VPS13D: variants seen among roughly 807,000 people sequenced by gnomAD.
The protein encoded by VPS13D is intermembrane lipid transfer protein VPS13D.
Under a neutral mutation model 461.9 loss-of-function variants are expected in VPS13D, and 187 were observed. That is an observed-to-expected ratio of 0.40 (90% CI 0.36 to 0.46). The LOEUF is 0.46. Among genes scored for constraint, VPS13D ranks in the 20% least tolerant of loss-of-function variants. The probability of loss-of-function intolerance (pLI) is 0.60; values close to 1 mark genes in which losing one functional copy is unlikely to be tolerated. For synonymous variants in VPS13D, 1,951 were observed against 1,986.3 expected (o/e 0.98, Z 0.47); for missense variants, 4,711 against 5,364.9 (o/e 0.88, Z 3.81).
chr1:12,312,411 G>A (rs931246105), intron 29 of VPS13D, among the ~76,000 whole-genome samples: 8 of 152,192 alleles, frequency 5.3e-5, no homozygotes, highest in African/African-American at 1.9e-4. Context: ...GTTACGGGGT[G>A]GGAGATGCAG....
At chr1:12,254,786 C>T (rs887438058) in intron 7 of VPS13D, among the ~76,000 whole-genome samples, 3 of 151,524 alleles carry the variant, frequency 2.0e-5, no homozygotes, top group South Asian at 2.1e-4. Flanking sequence ...CCTTGGCCTC[C>T]GAAAGTGCTG....
chr1:12,252,644 T>C (rs1640772207), intron 6 of VPS13D, among the ~76,000 whole-genome samples: 1 of 151,724 alleles, frequency 6.6e-6, no homozygotes, highest in African/African-American at 2.4e-5. Context: ...TGGTGGCATA[T>C]ACCTGTAGTC....
rs1177243109 is a variant in VPS13D at position 12,299,786 on chromosome 1, G to T, written c.6216+402G>T. ...CTATAATATAAACGTTTTAGACTCTGTGGCTTTTTTCAGAGGACGTGATTG... is the reference window on the plus strand; with the variant it reads ...CTATAATATAAACGTTTTAGACTCTTTGGCTTTTTTCAGAGGACGTGATTG... On this transcript the variant is annotated intron_variant, in intron 25 of 69. Transcript: ENST00000620676. The surrounding 1 kb of genome is among the most constrained non-coding windows in gnomAD (Gnocchi z 4.2). 6.6e-6 allele frequency among the ~76,000 whole-genome samples: 1 copy of T among 151,888 alleles called. No homozygotes were observed. The highest frequency in any genetic ancestry group is 1.5e-5 in the Non-Finnish European group (1 of 67,984).
At chr1:12,328,199 A>G (rs1643240371) in intron 36 of VPS13D, among the ~76,000 whole-genome samples, 1 of 152,136 alleles carries the variant, frequency 6.6e-6, no homozygotes, top group Non-Finnish European at 1.5e-5. Context: ...AGCTCAGACA[A>G]TAATGGTTCT....
intron 13 of VPS13D, among the ~76,000 whole-genome samples, chr1:12,263,368 T>G (rs1360680778): frequency 6.6e-6 from 1 of 152,200 alleles, no homozygotes; most frequent in African/African-American, 2.4e-5. Context: ...GGTGGGAATG[T>G]GCATATCAGG....
chr1:12,334,689 CAGG>C (rs1390449933), intron 38 of VPS13D, among the ~76,000 whole-genome samples: 3 of 152,200 alleles, frequency 2.0e-5, no homozygotes, highest in African/African-American at 7.2e-5. Context: ...TACTTGAGTG[CAGG>C]AGTTCAAAGT....
chr1:12,269,680 G>T (rs1331565364), intron 16 of VPS13D, among the ~76,000 whole-genome samples: 1 of 152,230 alleles, frequency 6.6e-6, no homozygotes, highest in Non-Finnish European at 1.5e-5. Context: ...GAAACAGTAG[G>T]TGCAGAAAAA....
At chr1:12,338,535 A>G (rs1482176326) in intron 40 of VPS13D, among the ~76,000 whole-genome samples, 2 of 152,114 alleles carry the variant, frequency 1.3e-5, no homozygotes, top group African/African-American at 4.8e-5. Context: ...AATGGAATAA[A>G]CTCCACAGTG....
chr1:12,245,711 C>T (rs1159485127), intron 5 of VPS13D, among the ~76,000 whole-genome samples: 1 of 151,966 alleles, frequency 6.6e-6, no homozygotes, highest in Non-Finnish European at 1.5e-5. Context: ...TTCTGGGCAA[C>T]AGACCAAAAC....
At chr1:12,469,931 G>A (rs1301777977) in intron 67 of VPS13D, among the ~76,000 whole-genome samples, 3 of 152,164 alleles carry the variant, frequency 2.0e-5, no homozygotes, top group Non-Finnish European at 4.4e-5. Flanking sequence ...TACTCGAGAA[G>A]GTGTATCTGT....
intron 55 of VPS13D, among the ~76,000 whole-genome samples, chr1:12,377,043 GTTTTTTTC>G (rs1644207970): frequency 6.6e-6 from 1 of 151,720 alleles, no homozygotes; most frequent in South Asian, 2.1e-4. Context: ...CAGTAAATGA[GTTTTTTTC>G]TTTTTTTCTT....
chr1:12,270,163 A>G (rs527575365), intron 16 of VPS13D, among the ~76,000 whole-genome samples: 9 of 152,070 alleles, frequency 5.9e-5, no homozygotes, highest in African/African-American at 2.2e-4. Context: ...TTAAAAAGAA[A>G]GAATATAGAA....
In VPS13D at chr1:12,507,389, G is replaced by A; in HGVS notation, c.13035+296G>A. The A allele has an allele frequency of 1.6e-6, 1 of 618,242 alleles. No individual in the cohort carries two copies. The highest frequency in any genetic ancestry group is 3.1e-6 in the Non-Finnish European group (1 of 325,184). 38.3% of individuals were successfully genotyped at this position (618,242 alleles called of 1,614,324 possible). ...CAATACTTACTCTCGTTGGTGATAA[G>A]GAACAGCTAACACAACACACAGGGT... On this transcript the variant is annotated intron_variant, in intron 69 of 69. Coordinates refer to ENST00000620676, the MANE Select transcript of VPS13D (RefSeq NM_015378.4). The surrounding 1 kb of genome is among the most constrained non-coding windows in gnomAD (Gnocchi z 5.3).
chr1:12,322,723 G>A lies in VPS13D; in HGVS notation c.7892G>A (p.Arg2631Lys). 3.7e-6 allele frequency: 6 copies of A among 1,614,136 alleles called. No homozygotes were observed. Among genetic ancestry groups the A allele is most frequent in the Non-Finnish European group, 5.1e-6 (6 of 1,180,004 alleles). The change falls in exon 34 of 70, where the codon AGA (arginine) becomes AAA (lysine). Residue 2631 changes from arginine (R) to lysine (K), a missense_variant. Transcript: ENST00000620676. Reference sequence around the variant, plus strand: ...GGAGAGGAAATCAGAGAAGGGACAAGACACACCTTAGATCCTGTCTTGGGT... The same window carrying A: ...GGAGAGGAAATCAGAGAAGGGACAAAACACACCTTAGATCCTGTCTTGGGT... ...RVGEEIREGT[R>K]HTLDPVLELQ...
chr1:12,385,033 C>G (rs1644332711), intron 58 of VPS13D, among the ~76,000 whole-genome samples: 1 of 152,212 alleles, frequency 6.6e-6, no homozygotes, highest in South Asian at 2.1e-4. Flanking sequence ...TCTAACCCCA[C>G]TACGTGAGGC....
At chr1:12,478,619 T>C (rs1321469689) in intron 67 of VPS13D, 1 of 357,854 alleles carries the variant, frequency 2.8e-6, no homozygotes, top group Non-Finnish European at 5.6e-6. Flanking sequence ...AAGGAAAGCC[T>C]GCACGTTTCT....
chr1:12,507,137 G>A lies in VPS13D; in HGVS notation c.13035+44G>A, dbSNP rs775213524. 4 of 1,611,752 alleles carry A rather than the reference G, an allele frequency of 2.5e-6. No homozygotes were observed. The East Asian group carries it at 8.9e-5, about 36-fold the overall frequency. ...TCAGGCTCCTGAGGGGCGGGGCCAG[G>A]GCCTCGATGCCTCTGCCCTGCTTCC... is the stretch of plus-strand genomic sequence containing the variant. On this transcript the variant is annotated intron_variant, in intron 69 of 69. Transcript: ENST00000620676. The surrounding 1 kb of genome is among the most constrained non-coding windows in gnomAD (Gnocchi z 5.3).
Position 12,235,589 on chromosome 1 carries a change from T to TA in VPS13D, c.97+1235dup, listed in dbSNP as rs911865583. 1.4e-4 allele frequency among the ~76,000 whole-genome samples: 21 copies of TA among 150,966 alleles called. 1 individual carries two copies. The highest frequency in any genetic ancestry group is 2.5e-4 in the Non-Finnish European group (17 of 67,666). The stretch of plus-strand genomic sequence containing the variant: ...AAACTCCATCGCAAAAAATAAAAAA[T>TA]AAAAAAAAAGTGTTGCTTTTCATGT... On this transcript the variant is annotated intron_variant, in intron 2 of 69. Transcript: ENST00000620676.
At chr1:12,268,627 CCAG>C in intron 15 of VPS13D, 76 bp from the exon 16 acceptor site, 1 of 1,445,964 alleles carries the variant, frequency 6.9e-7, no homozygotes, top group Non-Finnish European at 9.3e-7. Context: ...GTCTGTTTTT[CCAG>C]AATCCCTCAC....
Sources: gnomAD v4.1 joint callset for allele counts (sites outside exome capture counted in the v4.1 genomes callset) on GRCh38, gnomAD v4.1.1 for gene constraint, Gnocchi (gnomAD v3.1) non-coding constraint, MANE v1.5 for transcripts, NCBI Gene and HGNC (gene_info 2026-07-23, HGNC 2026-07-21) for gene names.